Variants in NINJ1 observed in about 807,000 individuals in gnomAD.
NINJ1 encodes the protein ninjurin-1.
NINJ1 carries 6 observed loss-of-function variants against 12.7 expected under a neutral mutation model. The ratio of observed to expected loss-of-function variants is 0.47; its 90% confidence interval spans 0.26 to 0.93. NINJ1 has a LOEUF of 0.93. Ranked by LOEUF, NINJ1 falls within the 40% of genes least tolerant of loss-of-function variation. The pLI, the probability that NINJ1 is intolerant of heterozygous loss-of-function variation, is 0.15. For synonymous variants in NINJ1, 100 were observed against 96.0 expected, an observed-to-expected ratio of 1.04 and a Z score of -0.25; for missense variants, 170 against 213.0, an observed-to-expected ratio of 0.80 and a Z score of 1.26.
chr9:93,126,806 C>T (rs763313803), intron 1 of NINJ1, among the ~76,000 whole-genome samples, 168 bp from the exon 2 acceptor site: 5 of 152,278 alleles, frequency 3.3e-5, no homozygotes, highest in Middle Eastern at 6.8e-3. Context: ...AGGCTGCGAG[C>T]ATGTGCTCAG....
intron 3 of NINJ1, among the ~76,000 whole-genome samples, chr9:93,123,450 A>T (rs1827765530): frequency 6.6e-6 from 1 of 151,988 alleles, no homozygotes; most frequent in Non-Finnish European, 1.5e-5. Context: ...ACGCCTGGCT[A>T]ATTTTGTATT....
chr9:93,128,774 T>G (rs1438856151), intron 1 of NINJ1, among the ~76,000 whole-genome samples: 5 of 152,208 alleles, frequency 3.3e-5, no homozygotes, highest in Non-Finnish European at 5.9e-5. Context: ...TGGGGGCATC[T>G]ACACATATAT....
At position 93,126,637 on chromosome 9, in the gene NINJ1, G is replaced by C. The variant is rs202012057; in HGVS notation, c.77C>G (p.Pro26Arg). 6.3e-7 allele frequency: 1 copy of C among 1,595,164 alleles called. No individual in the cohort carries two copies. The change falls in exon 2 of 4, where the codon CCG (proline) becomes CGG (arginine). Residue 26 changes from proline to arginine, a missense_variant and splice_region_variant. Physicochemically the swap from Pro to Arg is moderately radical, Grantham distance 103 (BLOSUM62 -2). Transcript: ENST00000375446. ...CCCGTGCCTCCAGCCCCAGCGGGCC[G>C]GCTGCAGGGAGGGGAATGGTCAGCA... is the stretch of plus-strand genomic sequence containing the variant. ...PGTPGSPDAS[P>R]ARWGWRHGPI...
chr9:93,134,062 C>A, intron 1 of NINJ1, 81 bp downstream of exon 1: 1 of 1,156,276 alleles, frequency 8.6e-7, no homozygotes, highest in Admixed American at 2.5e-5. Context: ...GGACGCGGCG[C>A]ACACAGGTGC....
chr9:93,131,222 G>A (rs1476329498), intron 1 of NINJ1, among the ~76,000 whole-genome samples: 2 of 152,244 alleles, frequency 1.3e-5, no homozygotes, highest in African/African-American at 4.8e-5. Flanking sequence ...TTCCTGGCAG[G>A]AAACCCCAGC....
intron 3 of NINJ1, among the ~76,000 whole-genome samples, chr9:93,124,463 C>T (rs1257466137): frequency 2.0e-5 from 3 of 152,094 alleles, no homozygotes; most frequent in Non-Finnish European, 2.9e-5. Flanking sequence ...TTAGTAGAGA[C>T]GGGGTTTCAC....
At chr9:93,133,608 G>C (rs1205461165) in intron 1 of NINJ1, among the ~76,000 whole-genome samples, 1 of 152,238 alleles carries the variant, frequency 6.6e-6, no homozygotes, top group Non-Finnish European at 1.5e-5. Context: ...GTGGAATAGG[G>C]ACCACAGCGG....
At chr9:93,125,908 A>G (rs1387186737) in intron 2 of NINJ1, 2 of 159,810 alleles carry the variant, frequency 1.3e-5, no homozygotes, top group Non-Finnish European at 2.8e-5. Flanking sequence ...ACAAAACAAA[A>G]CAAAACAAAA....
chr9:93,126,687 G>A (rs558793520), intron 1 of NINJ1, 49 bp from the exon 2 acceptor site: 3 of 1,474,924 alleles, frequency 2.0e-6, no homozygotes, highest in South Asian at 2.5e-5. Flanking sequence ...GGGGGGCAAG[G>A]GCTGTGCCTG....
intron 2 of NINJ1, chr9:93,126,186 G>A: frequency 1.8e-6 from 1 of 547,768 alleles, no homozygotes; most frequent in East Asian, 3.1e-5. Flanking sequence ...GACAGAGGGG[G>A]ACCTTGTTTC....
chr9:93,133,308 C>A (rs1827924654), intron 1 of NINJ1, among the ~76,000 whole-genome samples: 1 of 152,222 alleles, frequency 6.6e-6, no homozygotes, highest in Non-Finnish European at 1.5e-5. Context: ...CATGGAGAGG[C>A]CTGGAAAAAC....
chr9:93,127,839 C>A (rs1827835302), intron 1 of NINJ1, among the ~76,000 whole-genome samples: 1 of 152,242 alleles, frequency 6.6e-6, no homozygotes, highest in Non-Finnish European at 1.5e-5. Flanking sequence ...ATGAAAGATG[C>A]AGGCCGGGAG....
chr9:93,131,257 C>T (rs1827889192), intron 1 of NINJ1, among the ~76,000 whole-genome samples: 1 of 152,250 alleles, frequency 6.6e-6, no homozygotes, highest in Non-Finnish European at 1.5e-5. Context: ...TGCTGGAAGG[C>T]GGGGTTCCCA....
At position 93,134,228 on chromosome 9, in the gene NINJ1, C is replaced by T. The variant is rs1156376777; in HGVS notation, c.-11G>A. 3 of 1,471,718 alleles carry T rather than the reference C, an allele frequency of 2.0e-6. No individual in the cohort carries two copies. The highest frequency in any genetic ancestry group is 2.7e-6 in the Non-Finnish European group (3 of 1,100,696). 91.2% of individuals were successfully genotyped at this position (1,471,718 alleles called of 1,614,324 possible). A position where few individuals can be genotyped will look rare whatever the true frequency, so the allele number is the denominator to read the frequency against. On this transcript the variant is annotated 5_prime_UTR_variant, in exon 1 of 4. Transcript: ENST00000375446. ...GGTTCCCGAGTCCATGGTGCGGCCG[C>T]CCAGGCCGCCAGGATCCGGGCCTGA...
chr9:93,122,949 A>G (rs1259892927), intron 3 of NINJ1, among the ~76,000 whole-genome samples: 1 of 152,268 alleles, frequency 6.6e-6, no homozygotes, highest in Non-Finnish European at 1.5e-5. Flanking sequence ...GCCAGGGAGC[A>G]GCTGACATCT....
intron 1 of NINJ1, among the ~76,000 whole-genome samples, chr9:93,131,732 C>A (rs1186751125): frequency 6.6e-6 from 1 of 152,222 alleles, no homozygotes; most frequent in East Asian, 1.9e-4. Context: ...GATGGGGGCC[C>A]TCACATGAAG....
At chr9:93,125,100 C>T (rs759183771) in intron 2 of NINJ1, 38 bp from the exon 3 acceptor site, 171 of 1,579,018 alleles carry the variant, frequency 1.1e-4, no homozygotes, top group Non-Finnish European at 1.4e-4. Flanking sequence ...CCAAGGGCAG[C>T]CCAGACGCAG....
chr9:93,127,170 CTCCAGGCCTCA>C (rs1483945660), intron 1 of NINJ1, among the ~76,000 whole-genome samples: 1 of 152,234 alleles, frequency 6.6e-6, no homozygotes, highest in Non-Finnish European at 1.5e-5. Flanking sequence ...GGCCACTCGC[CTCCAGGCCTCA>C]GCACAGGCCT....
At chr9:93,124,560 C>A (rs774493239) in intron 3 of NINJ1, among the ~76,000 whole-genome samples, 1 of 147,230 alleles carries the variant, frequency 6.8e-6, no homozygotes, top group Non-Finnish European at 1.5e-5. Flanking sequence ...CCGGCATGAG[C>A]CACCGCGCCT....
Sources: gnomAD v4.1 joint callset for allele counts (sites outside exome capture counted in the v4.1 genomes callset) on GRCh38, gnomAD v4.1.1 for gene constraint, MANE v1.5 for transcripts, NCBI Gene and HGNC (gene_info 2026-07-23, HGNC 2026-07-21) for gene names.